PDIA4: variants seen among roughly 807,000 people sequenced by gnomAD.
PDIA4 encodes the protein protein disulfide isomerase family A member 4, also known as protein disulfide-isomerase A4.
Under a neutral mutation model 62.1 loss-of-function variants are expected in PDIA4, and 33 were observed. The ratio of observed to expected loss-of-function variants is 0.53; its 90% confidence interval spans 0.40 to 0.71. The LOEUF is 0.71. Among genes scored for constraint, PDIA4 ranks in the 30% least tolerant of loss-of-function variants. PDIA4 has a pLI of 0.00. For missense variants in PDIA4, 804 were observed against 813.6 expected (o/e 0.99, Z 0.14); for synonymous variants, 341 against 324.1 (o/e 1.05, Z -0.56).
At chr7:149,017,382 G>GA (rs1236359123) in intron 3 of PDIA4, among the ~76,000 whole-genome samples, 3 of 152,154 alleles carry the variant, frequency 2.0e-5, no homozygotes, top group African/African-American at 7.2e-5. Context: ...TTGGGAGTTT[G>GA]AGACCAGCCT....
chr7:149,014,997 G>A lies in PDIA4; in HGVS notation c.521C>T (p.Pro174Leu). The A allele has an allele frequency of 6.2e-7, 1 of 1,614,172 alleles. No individual in the cohort carries two copies. The change falls in exon 4 of 10, where the codon CCT becomes CTT. Residue 174 changes from proline to leucine, a missense_variant. Physicochemically the swap from Pro to Leu is moderately conservative, Grantham distance 98. Transcript: ENST00000652332. ...CAACACAAGCGTGACTTCTGGTGGA[G>A]GCGTCCAGTCGGGCTGGGAGACTTC... ...VREVSQPDWT[P>L]PPEVTLVLTK...
intron 1 of PDIA4, 133 bp downstream of exon 1, chr7:149,028,188 G>T: frequency 1.6e-6 from 1 of 643,020 alleles, no homozygotes; most frequent in Non-Finnish European, 2.6e-6. Context: ...GTTTACCCCG[G>T]GCTCGGCGCC....
At chr7:149,015,755 C>T (rs1344435527) in intron 3 of PDIA4, among the ~76,000 whole-genome samples, 2 of 152,232 alleles carry the variant, frequency 1.3e-5, no homozygotes, top group Non-Finnish European at 2.9e-5. Context: ...GCCACTCCTG[C>T]AAAGCTGCAG....
chr7:149,007,019 A>C (rs1823781739), intron 7 of PDIA4, among the ~76,000 whole-genome samples: 1 of 152,160 alleles, frequency 6.6e-6, no homozygotes, highest in South Asian at 2.1e-4. Context: ...TGGCCCCCCA[A>C]GCTCATCAGG....
chr7:149,014,217 C>A (rs1824049864), intron 4 of PDIA4, among the ~76,000 whole-genome samples: 1 of 152,170 alleles, frequency 6.6e-6, no homozygotes, highest in Non-Finnish European at 1.5e-5. Flanking sequence ...AGGTGCCACC[C>A]ACCCCCCGGC....
Position 149,005,963 on chromosome 7 carries a change from G to T in PDIA4, c.1222C>A (p.Arg408Ser). The change falls in exon 8 of 10, where the codon CGC (arginine) becomes AGC (serine). Residue 408 changes from arginine to serine, a missense_variant. Arg to Ser is a moderately radical substitution (Grantham distance 110). Coordinates refer to ENST00000652332, the MANE Select transcript of PDIA4 (RefSeq NM_004911.5). Reference sequence around the variant, plus strand: ...ACCACCAGGGGGCGCCTGGTGTAGCGCTTAGCATCGTTTGACACCTTGCGG... The same window carrying T: ...ACCACCAGGGGGCGCCTGGTGTAGCTCTTAGCATCGTTTGACACCTTGCGG... ...GHRKVSNDAK[R>S]YTRRPLVVVY... is the part of the protein sequence containing the mutation. The T allele has an allele frequency of 6.5e-7, 1 of 1,538,534 alleles. No homozygotes were observed. The highest frequency in any genetic ancestry group is 1.3e-5 in the South Asian group (1 of 78,222).
rs1187041423 is a variant in PDIA4, at chr7:149,019,078, C to T, written c.389G>A (p.Ser130Asn). ...GGGGTAGCCACTCACATCAAACCTG[C>T]TGGCCAGCACAGACGCTGAGGTTGC... ...IDATSASVLA[S>N]RFDVSGYPTI... The change falls in exon 3 of 10, where the codon AGC becomes AAC. Residue 130 changes from serine (S) to asparagine (N), a missense_variant. Physicochemically the swap from Ser to Asn is conservative, Grantham distance 46. Transcript: ENST00000652332. The T allele has an allele frequency of 1.2e-6, 2 of 1,613,692 alleles. No individual in the cohort carries two copies. Among genetic ancestry groups the T allele is most frequent in the Non-Finnish European group, 1.7e-6 (2 of 1,179,940 alleles).
chr7:149,005,070 C>T (rs1823695125), intron 9 of PDIA4, 71 bp downstream of exon 9: 2 of 1,266,078 alleles, frequency 1.6e-6, no homozygotes, highest in South Asian at 1.2e-5. Flanking sequence ...CCAGACGCCC[C>T]TGGCCTGTCT....
Position 149,004,218 on chromosome 7 carries a change from G to A in PDIA4, c.1523-9C>T. On this transcript the variant is annotated splice_polypyrimidine_tract_variant and intron_variant, in intron 9 of 9. Coordinates refer to ENST00000652332, the MANE Select transcript of PDIA4 (RefSeq NM_004911.5). ...GACTGGCTTCAGTTTTCCTGCCAAG[G>A]AAAGCAAGGCGGGAGGGGGCGTCAG... The A allele has an allele frequency of 6.2e-7, 1 of 1,608,488 alleles. No individual in the cohort carries two copies. Among genetic ancestry groups the A allele is most frequent in the Non-Finnish European group, 8.5e-7 (1 of 1,176,470 alleles).
chr7:149,018,934 A>G (rs2129505219), intron 3 of PDIA4, 58 bp downstream of exon 3: 1 of 1,358,940 alleles, frequency 7.4e-7, no homozygotes, highest in South Asian at 1.2e-5. Context: ...TCTATTAGCC[A>G]AATTCCCATT....
At chr7:149,005,828 C>T (rs1341548091) in intron 8 of PDIA4, 69 bp downstream of exon 8, 37 of 1,297,312 alleles carry the variant, frequency 2.9e-5, no homozygotes, top group Non-Finnish European at 3.4e-5. Context: ...CCCCTCAACA[C>T]TCCACCTTGC....
chr7:149,016,255 A>C (rs929513082), intron 3 of PDIA4, among the ~76,000 whole-genome samples: 1 of 152,170 alleles, frequency 6.6e-6, no homozygotes, highest in South Asian at 2.1e-4. Context: ...CCAAGATTGC[A>C]CCACTGCACA....
At chr7:149,028,234 G>A (rs1824629073) in intron 1 of PDIA4, 87 bp downstream of exon 1, 19 of 1,015,840 alleles carry the variant, frequency 1.9e-5, no homozygotes, top group South Asian at 1.7e-4. Flanking sequence ...GCGGAAGCCC[G>A]CCCGCCGGGG....
intron 1 of PDIA4, 102 bp downstream of exon 1, chr7:149,028,219 A>C (rs2129506205): frequency 1.2e-6 from 1 of 810,744 alleles, no homozygotes; most frequent in Non-Finnish European, 1.9e-6. Flanking sequence ...TCTGGAGCTG[A>C]CCGCGCGGAA....
At chr7:149,006,138 G>C (rs1823751228) in intron 7 of PDIA4, 85 bp from the exon 8 acceptor site, 2 of 1,423,520 alleles carry the variant, frequency 1.4e-6, no homozygotes, top group Admixed American at 6.1e-5. Context: ...CTTTGGGGGA[G>C]TGGCGACTTT....
At chr7:149,005,872 G>T in intron 8 of PDIA4, 25 bp downstream of exon 8, 1 of 1,465,382 alleles carries the variant, frequency 6.8e-7, no homozygotes, top group East Asian at 2.7e-5. Context: ...CCCCACCCCC[G>T]CAGGTCTTGG....
At chr7:149,006,311 G>C in intron 7 of PDIA4, 1 of 416,094 alleles carries the variant, frequency 2.4e-6, no homozygotes, top group Non-Finnish European at 4.3e-6. Context: ...GGGGGTGTAG[G>C]CTCACTAACC....
At chr7:149,011,127 A>T (rs1269972840) in intron 6 of PDIA4, among the ~76,000 whole-genome samples, 1 of 152,210 alleles carries the variant, frequency 6.6e-6, no homozygotes, top group Non-Finnish European at 1.5e-5. Flanking sequence ...TGTGCATTTG[A>T]AAAATTATAA....
intron 4 of PDIA4, among the ~76,000 whole-genome samples, chr7:149,014,369 C>T (rs1329192313): frequency 6.6e-6 from 1 of 152,126 alleles, no homozygotes; most frequent in Non-Finnish European, 1.5e-5. Context: ...CAGGACTGCT[C>T]AAGAACCAGA....
Sources: gnomAD v4.1 joint callset for allele counts (sites outside exome capture counted in the v4.1 genomes callset) on GRCh38, gnomAD v4.1.1 for gene constraint, MANE v1.5 for transcripts, NCBI Gene and HGNC (gene_info 2026-07-23, HGNC 2026-07-21) for gene names.